Variants in ZNF263 observed in about 807,000 individuals in gnomAD.
ZNF263 encodes zinc finger protein 263.
ZNF263 carries 49 observed loss-of-function variants against 63.1 expected under a neutral mutation model. The ratio of observed to expected loss-of-function variants is 0.78; its 90% CI spans 0.62 to 0.99. ZNF263 has a LOEUF of 0.99. Ranked by LOEUF, ZNF263 falls within the 50% of genes least tolerant of loss-of-function variation. The probability of loss-of-function intolerance (pLI) is 0.00; values close to 1 mark genes in which losing one functional copy is unlikely to be tolerated. For synonymous variants in ZNF263, 352 were observed against 324.2 expected (o/e 1.09, Z -0.92); for missense variants, 872 against 854.8 (o/e 1.02, Z -0.25).
Position 3,290,082 on chromosome 16 carries a change from A to G in ZNF263, c.1576A>G (p.Ser526Gly), listed in dbSNP as rs1959550528. 6.2e-7 allele frequency: 1 copy of G among 1,614,156 alleles called. No homozygotes were observed. Among genetic ancestry groups the G allele is most frequent in the Non-Finnish European group, 8.5e-7 (1 of 1,180,022 alleles). The change falls in exon 6 of 6, where the codon AGT (serine) becomes GGT (glycine). Residue 526 changes from serine to glycine, a missense_variant. By Grantham distance (56) the Ser-to-Gly change is moderately conservative. Coordinates refer to ENST00000219069, the MANE Select transcript of ZNF263 (RefSeq NM_005741.5). ...TTATAAGTGTCCCGAGTGTGGGAAA[A>G]GTTTCTCTCGGAGTTCACACCTCGT... Reference protein sequence around the residue: ...RPYKCPECGKSFSRSSHLVIH... With the variant: ...RPYKCPECGKGFSRSSHLVIH...
chr16:3,293,923 CTTT>C (rs1216260515), downstream of ZNF263, among the ~76,000 whole-genome samples: 1 of 152,168 alleles, frequency 6.6e-6, no homozygotes, highest in Non-Finnish European at 1.5e-5. Flanking sequence ...AGGCTCAGCA[CTTT>C]TTTGTTTTGT....
downstream of ZNF263, among the ~76,000 whole-genome samples, chr16:3,292,633 C>T (rs1959641296): frequency 6.6e-6 from 1 of 152,224 alleles, no homozygotes; most frequent in Admixed American, 6.5e-5. Flanking sequence ...GCGCCCCTTC[C>T]ATCTACTCTC....
chr16:3,298,579 AAC>A, intron 1 of ZNF263, among the ~76,000 whole-genome samples: 1 of 152,370 alleles, frequency 6.6e-6, no homozygotes, highest in African/African-American at 2.4e-5. Flanking sequence ...AATAGGTAGT[AAC>A]AGAGTTAAGA....
At chr16:3,297,715 C>T (rs1162167996) in intron 1 of ZNF263, among the ~76,000 whole-genome samples, 2 of 152,026 alleles carry the variant, frequency 1.3e-5, no homozygotes, top group African/African-American at 2.4e-5. Context: ...CTGCCCTCCT[C>T]GGCCTCCCAA....
intron 4 of ZNF263, chr16:3,286,355 C>A: frequency 1.7e-6 from 1 of 600,440 alleles, no homozygotes; most frequent in Non-Finnish European, 2.6e-6. Context: ...GGAGTCCCAG[C>A]TGCCAGAGCC....
rs780611372 is a variant in ZNF263 at position 3,285,020 on chromosome 16, G to A, written c.388-39G>A. ...CTATACTAATTTCCCTTCCTCTTGG[G>A]CCCTGTTGTGATGATGAGTGATGTG... On this transcript the variant is annotated intron_variant, in intron 1 of 5. Coordinates refer to ENST00000219069, the MANE Select transcript of ZNF263 (RefSeq NM_005741.5). 10 of 1,609,878 alleles carry A rather than the reference G, an allele frequency of 6.2e-6. No individual in the cohort carries two copies. The East Asian group carries it at 2.2e-4, about 36-fold the overall frequency.
In ZNF263 at chr16:3,290,667, A is replaced by G; in HGVS notation, c.*109A>G. 6.8e-7 allele frequency: 1 copy of G among 1,463,408 alleles called. No individual in the cohort carries two copies. The highest frequency in any genetic ancestry group is 2.4e-5 in the East Asian group (1 of 42,176). 90.7% of individuals were successfully genotyped at this position (1,463,408 alleles called of 1,614,324 possible). A position where few individuals can be genotyped will look rare whatever the true frequency, so the allele number is the denominator to read the frequency against. ...CGACCAAATGACCTCTGCATTCTTCAGGTAATGGGGGCTCATTGTGAGGGA... is the reference window on the plus strand; with the variant it reads ...CGACCAAATGACCTCTGCATTCTTCGGGTAATGGGGGCTCATTGTGAGGGA... On this transcript the variant is annotated 3_prime_UTR_variant, in exon 6 of 6. Transcript: ENST00000219069.
intron 1 of ZNF263, 121 bp downstream of exon 1, chr16:3,284,326 T>G (rs1959260365): frequency 7.3e-7 from 1 of 1,368,002 alleles, no homozygotes; most frequent in African/African-American, 1.5e-5. Context: ...GAAGAGGACT[T>G]GTGATTTAAC....
intron 2 of ZNF263, chr16:3,299,589 A>G: frequency 1.3e-6 from 2 of 1,555,320 alleles, no homozygotes; most frequent in Non-Finnish European, 8.6e-7. Context: ...GCTTCCATCT[A>G]TACAGCCGTT....
chr16:3,299,470 T>A (rs1272614052), intron 2 of ZNF263: 3 of 1,554,536 alleles, frequency 1.9e-6, no homozygotes, highest in Non-Finnish European at 2.6e-6. Flanking sequence ...TTTTGCCCAG[T>A]TAAAAATTGC....
At chr16:3,299,576 G>T in intron 2 of ZNF263, 3 of 1,538,572 alleles carry the variant, frequency 1.9e-6, no homozygotes, top group African/African-American at 2.8e-5. Flanking sequence ...CTCTCTTCAA[G>T]TTGCTTCCAT....
rs758321279 is a variant in ZNF263, at chr16:3,288,559, G to A, written c.875G>A (p.Gly292Asp). ...TGCAAGGAGGGCCTGAGCCCCAGAG[G>A]CCCAGCTCCAGGTAAGGAATGAAGA... ...QSCKEGLSPR[G>D]PAPGEEKFEN... Residue 292 changes from glycine to aspartate, a missense_variant, in exon 5 of 6, where the codon GGC (glycine) becomes GAC (aspartate). Transcript: ENST00000219069. 6.2e-7 allele frequency: 1 copy of A among 1,610,050 alleles called. No homozygotes were observed. Among genetic ancestry groups the A allele is most frequent in the South Asian group, 1.1e-5 (1 of 90,818 alleles).
In ZNF263 at chr16:3,290,084, T is replaced by C. The variant is rs1033716688; in HGVS notation, c.1578T>C (p.Ser526=). 5 of 1,613,828 alleles carry C rather than the reference T, an allele frequency of 3.1e-6. No individual in the cohort carries two copies. The highest frequency in any genetic ancestry group is 4.2e-6 in the Non-Finnish European group (5 of 1,179,958). Residue 526 remains serine, a synonymous_variant, in exon 6 of 6, where the codon AGT becomes AGC. Transcript: ENST00000219069. The stretch of plus-strand genomic sequence containing the variant: ...ATAAGTGTCCCGAGTGTGGGAAAAG[T>C]TTCTCTCGGAGTTCACACCTCGTCA... ...RPYKCPECGK[S]FSRSSHLVIH...
At chr16:3,294,629 A>C (rs556179498), downstream of ZNF263, among the ~76,000 whole-genome samples, 6 of 152,282 alleles carry the variant, frequency 3.9e-5, no homozygotes, top group African/African-American at 1.4e-4. Context: ...ACCTTGCCTG[A>C]GTGGTACAGT....
chr16:3,286,200 C>G (rs959977883), intron 4 of ZNF263, 51 bp downstream of exon 4: 3 of 1,535,204 alleles, frequency 2.0e-6, no homozygotes, highest in Non-Finnish European at 2.6e-6. Flanking sequence ...TGACCAGGGT[C>G]CTGCCCGTTA....
Position 3,291,361 on chromosome 16 carries a change from C to T in ZNF263, c.*803C>T. On this transcript the variant is annotated 3_prime_UTR_variant, in exon 6 of 6. Transcript: ENST00000219069. ...GAGCATTCCAGGAAAGAGAGATTCCCTGGAAAATTGAAAATGTGAATCCTA... is the reference window on the plus strand; with the variant it reads ...GAGCATTCCAGGAAAGAGAGATTCCTTGGAAAATTGAAAATGTGAATCCTA... The T allele has an allele frequency of 2.0e-6, 2 of 985,356 alleles. No individual in the cohort carries two copies. Among genetic ancestry groups the T allele is most frequent in the South Asian group, 4.7e-5 (1 of 21,284 alleles). The allele number at this position is 985,356 out of a possible 1,614,324, so 61.0% of individuals were successfully genotyped here.
At position 3,289,431 on chromosome 16, in the gene ZNF263, G is replaced by C. The variant is rs752762352; in HGVS notation, c.925G>C (p.Val309Leu). ...TGAGAACCTGGAAGGTGTTCCGTCT[G>C]TATGCTCTGAGAACATCCACCCTCA... The part of the protein sequence containing the change: ...KFENLEGVPS[V>L]CSENIHPQVL... The change falls in exon 6 of 6, where the codon GTA becomes CTA. Residue 309 changes from valine to leucine, a missense_variant. By Grantham distance (32) the Val-to-Leu change is conservative. Coordinates refer to ENST00000219069, the MANE Select transcript of ZNF263 (RefSeq NM_005741.5). 1.3e-6 allele frequency: 2 copies of C among 1,521,418 alleles called. No individual in the cohort carries two copies. The highest frequency in any genetic ancestry group is 1.3e-5 in the South Asian group (1 of 75,034). The allele number at this position is 1,521,418 out of a possible 1,614,324, so 94.2% of individuals were successfully genotyped here. A position where few individuals can be genotyped will look rare whatever the true frequency, so the allele number is the denominator to read the frequency against.
At chr16:3,300,095 G>A (rs1205610202) in intron 2 of ZNF263, 3 of 1,614,048 alleles carry the variant, frequency 1.9e-6, no homozygotes, top group Middle Eastern at 1.6e-4. Flanking sequence ...CCACTGTATA[G>A]CTGAGCTAGA....
chr16:3,284,343 C>T, intron 1 of ZNF263, 138 bp downstream of exon 1: 1 of 1,333,628 alleles, frequency 7.5e-7, no homozygotes, highest in Non-Finnish European at 9.7e-7. Context: ...TAACCTGGAA[C>T]ACTCATCCTC....
Sources: allele counts gnomAD v4.1 joint callset (sites outside exome capture counted in the v4.1 genomes callset), GRCh38; gene constraint gnomAD v4.1.1; transcripts MANE v1.5; gene names NCBI Gene and HGNC (gene_info 2026-07-23, HGNC 2026-07-21).